OPRM1: variants seen among roughly 807,000 people sequenced by gnomAD.
The protein encoded by OPRM1 is mu-type opioid receptor.
Under a neutral mutation model 31.8 loss-of-function variants are expected in OPRM1, and 27 were observed. The ratio of observed to expected loss-of-function variants is 0.85; its 90% CI spans 0.63 to 1.17. The LOEUF is 1.17. Ranked by LOEUF, OPRM1 falls within the 50% of genes most tolerant of loss-of-function variation. The pLI, the probability that OPRM1 is intolerant of heterozygous loss-of-function variation, is 0.00. For missense variants in OPRM1, 536 were observed against 511.1 expected (o/e 1.05, Z -0.47); for synonymous variants, 196 against 189.9 (o/e 1.03, Z -0.26).
At chr6:154,223,364 A>AACC in intron 3 of OPRM1, 1 of 753,698 alleles carries the variant, frequency 1.3e-6, no homozygotes, top group Non-Finnish European at 2.3e-6. Flanking sequence ...AAGAGATACC[A>AACC]ACCACCCTGA....
At chr6:154,049,125 T>C (rs2128412730) in intron 1 of OPRM1, among the ~76,000 whole-genome samples, 1 of 152,316 alleles carries the variant, frequency 6.6e-6, no homozygotes, top group South Asian at 2.1e-4. Context: ...AACGTTGAAC[T>C]CATGGTTAAC....
intron 1 of OPRM1, among the ~76,000 whole-genome samples, chr6:154,086,277 T>C (rs559039851): frequency 6.6e-6 from 1 of 152,348 alleles, no homozygotes; most frequent in South Asian, 2.1e-4. Flanking sequence ...CCCCCTTTTA[T>C]ATGTTGCTGT....
intron 3 of OPRM1, among the ~76,000 whole-genome samples, chr6:154,240,929 TA>T (rs1780527745): frequency 2.0e-5 from 3 of 152,188 alleles, no homozygotes; most frequent in Admixed American, 6.5e-5. Context: ...TCAGTTTGTC[TA>T]AAGTTTTTAT....
At chr6:154,195,626 C>T (rs17085177) in intron 3 of OPRM1, among the ~76,000 whole-genome samples, 8,335 of 152,102 alleles carry the variant, frequency 0.055, 331 homozygotes, top group South Asian at 0.19. Context: ...TAGATGAGAT[C>T]TTGTCTTGGG....
chr6:154,184,076 G>A (rs1232002512), intron 3 of OPRM1, among the ~76,000 whole-genome samples: 1 of 151,984 alleles, frequency 6.6e-6, no homozygotes, highest in Non-Finnish European at 1.5e-5. Context: ...CTGAAAGCTG[G>A]TACAGCTGTT....
intron 3 of OPRM1, among the ~76,000 whole-genome samples, chr6:154,114,057 C>T (rs1485203698): frequency 6.6e-6 from 1 of 152,142 alleles, no homozygotes; most frequent in Non-Finnish European, 1.5e-5. Context: ...CAGCCTGCTA[C>T]ACTGACCCAC....
intron 1 of OPRM1, among the ~76,000 whole-genome samples, chr6:154,027,284 C>CTTGTTTGTTTGT (rs111711727): frequency 0.023 from 3,437 of 151,688 alleles, 136 homozygotes; most frequent in African/African-American, 0.08. Flanking sequence ...TCTTGTGTTT[C>CTTGTTTGTTTGT]TTGTTTGTTT....
chr6:154,073,098 C>G (rs1445911856), intron 1 of OPRM1, among the ~76,000 whole-genome samples: 1 of 152,178 alleles, frequency 6.6e-6, no homozygotes, highest in East Asian at 1.9e-4. Flanking sequence ...GATGACTTTA[C>G]TCATGAAACA....
At position 154,039,716 on chromosome 6, in the gene OPRM1, C is replaced by T. The variant is rs778616447; in HGVS notation, c.172C>T (p.Leu58=). 1.2e-6 allele frequency: 2 copies of T among 1,612,556 alleles called. No individual in the cohort carries two copies. The highest frequency in any genetic ancestry group is 1.7e-6 in the Non-Finnish European group (2 of 1,180,024). ...CACCGACCTGGGCGGGAGAGACAGCCTGTGCCCTCCGACCGGCAGTCCCTC... is the reference window on the plus strand; with the variant it reads ...CACCGACCTGGGCGGGAGAGACAGCTTGTGCCCTCCGACCGGCAGTCCCTC... ...NRTDLGGRDS[L]CPPTGSPSMI... is the part of the protein sequence containing the mutation. Residue 58 remains leucine, a synonymous_variant, in exon 1 of 4, where the codon CTG becomes TTG. Coordinates refer to ENST00000330432, the MANE Select transcript of OPRM1 (RefSeq NM_000914.5).
intron 3 of OPRM1, chr6:154,093,400 GAAAT>G: frequency 6.2e-7 from 1 of 1,614,134 alleles, no homozygotes; most frequent in Non-Finnish European, 8.5e-7. Context: ...TGCCTTCGTG[GAAAT>G]ACTGCTCCCA....
Position 154,129,275 on chromosome 6 carries a change from A to G in OPRM1, c.*10554A>G, listed in dbSNP as rs990294920. ...AACAGGACAGGGAGTTCTTCTATAC[A>G]ATAGAGAACAGAACAATGTTCTTCT... On this transcript the variant is annotated 3_prime_UTR_variant, in exon 4 of 4. Transcript: ENST00000330432. 6.6e-6 allele frequency among the ~76,000 whole-genome samples: 1 copy of G among 152,236 alleles called. No homozygotes were observed. The highest frequency in any genetic ancestry group is 1.5e-5 in the Non-Finnish European group (1 of 68,032).
At chr6:154,152,134 G>A (rs1224722540) in intron 3 of OPRM1, among the ~76,000 whole-genome samples, 11 of 139,312 alleles carry the variant, frequency 7.9e-5, no homozygotes, top group African/African-American at 1.9e-4. Context: ...CCAAGATCGC[G>A]CCACTGCACT....
chr6:154,219,322 G>A (rs2128613962), intron 3 of OPRM1: 1 of 152,414 alleles, frequency 6.6e-6, no homozygotes, highest in East Asian at 1.9e-4. Flanking sequence ...TCTTGCTGGA[G>A]AGAGGAAAAC....
chr6:154,036,469 T>C (rs1779303220), upstream of OPRM1, among the ~76,000 whole-genome samples: 2 of 152,020 alleles, frequency 1.3e-5, no homozygotes, highest in African/African-American at 2.4e-5. Context: ...GTTCAAGTCC[T>C]GCTCTAGAGA....
In OPRM1 at chr6:154,104,677, A is replaced by T. The variant is rs9397175; in HGVS notation, c.1164+13205A>T. On this transcript the variant is annotated intron_variant, in intron 3 of 3. Transcript: ENST00000330432. ...CTCTAGTTTCCCATTTTTACTAAAG[A>T]CAAATCATGGTAAGGCTGATTTGCT... is the stretch of plus-strand genomic sequence containing the variant. 9.5e-4 allele frequency among the ~76,000 whole-genome samples: 145 copies of T among 152,362 alleles called. 1 individual carries two copies. In the East Asian group the frequency reaches 0.024, roughly 26 times the overall value.
At chr6:154,215,431 C>T (rs1324686134) in intron 3 of OPRM1, among the ~76,000 whole-genome samples, 1 of 151,966 alleles carries the variant, frequency 6.6e-6, no homozygotes, top group Admixed American at 6.6e-5. Flanking sequence ...GGGAGAAACC[C>T]CGTCACTACT....
intron 3 of OPRM1, among the ~76,000 whole-genome samples, chr6:154,227,472 A>C (rs995901445): frequency 1.3e-5 from 2 of 152,054 alleles, no homozygotes; most frequent in African/African-American, 4.8e-5. Flanking sequence ...TAATCCCAAC[A>C]CTTTTGGAGG....
intron 1 of OPRM1, among the ~76,000 whole-genome samples, chr6:154,022,977 G>A (rs1778466671): frequency 2.0e-5 from 3 of 151,972 alleles, no homozygotes; most frequent in Admixed American, 2.0e-4. Context: ...TTTGAAGTCA[G>A]GTAATGTGAT....
chr6:154,125,498 T>C lies in OPRM1; in HGVS notation c.*6777T>C, dbSNP rs991168802. Reference sequence around the variant, plus strand: ...ATACTCATAAAGAAAAATAAGTATTTGTTTTAGGTTTTAGAGAGAGAGCAC... The same window carrying C: ...ATACTCATAAAGAAAAATAAGTATTCGTTTTAGGTTTTAGAGAGAGAGCAC... On this transcript the variant is annotated 3_prime_UTR_variant, in exon 4 of 4. Coordinates refer to ENST00000330432, the MANE Select transcript of OPRM1 (RefSeq NM_000914.5). 1.3e-4 allele frequency among the ~76,000 whole-genome samples: 20 copies of C among 152,232 alleles called. No homozygotes were observed. Among genetic ancestry groups the C allele is most frequent in the Non-Finnish European group, 2.1e-4 (14 of 68,044 alleles).
Sources: gnomAD v4.1 joint callset for allele counts (sites outside exome capture counted in the v4.1 genomes callset) on GRCh38, gnomAD v4.1.1 for gene constraint, MANE v1.5 for transcripts, NCBI Gene and HGNC (gene_info 2026-07-23, HGNC 2026-07-21) for gene names.